The following NTRK2 variants were observed in gnomAD, a reference collection of about 807,000 sequenced individuals.
NTRK2 encodes the protein BDNF/NT-3 growth factors receptor.
In NTRK2, 13 loss-of-function variants were observed where a neutral mutation model predicts 94.5. The ratio of observed to expected loss-of-function variants is 0.14; its 90% confidence interval spans 0.09 to 0.22. The LOEUF is 0.22. Ranked by LOEUF, NTRK2 falls within the 10% of genes least tolerant of loss-of-function variation. The probability of loss-of-function intolerance (pLI) is 1.00; values close to 1 mark genes in which losing one functional copy is unlikely to be tolerated. For synonymous variants in NTRK2, 372 were observed against 407.4 expected (o/e 0.91, Z 1.05); for missense variants, 639 against 1,071.2 (o/e 0.60, Z 5.63).
At chr9:84,765,525 T>C (rs1224261749) in intron 12 of NTRK2, among the ~76,000 whole-genome samples, 2 of 152,146 alleles carry the variant, frequency 1.3e-5, no homozygotes, top group Non-Finnish European at 2.9e-5. Flanking sequence ...TTGAGCGACT[T>C]GCCTGAGGGT....
At chr9:84,856,893 A>G (rs1009892928) in intron 12 of NTRK2, among the ~76,000 whole-genome samples, 1 of 152,194 alleles carries the variant, frequency 6.6e-6, no homozygotes, top group Non-Finnish European at 1.5e-5. Flanking sequence ...TCTGAAACTT[A>G]AAAATATCCA....
intron 17 of NTRK2, among the ~76,000 whole-genome samples, chr9:84,973,214 A>C (rs1215167921): frequency 6.6e-6 from 1 of 152,248 alleles, no homozygotes; most frequent in Non-Finnish European, 1.5e-5. Context: ...AAGTGGCAGT[A>C]GTTAAGAGAA....
chr9:84,716,435 T>C (rs1475612662), intron 6 of NTRK2, among the ~76,000 whole-genome samples: 1 of 152,218 alleles, frequency 6.6e-6, no homozygotes, highest in Admixed American at 6.5e-5. Context: ...CATATGTCTG[T>C]GTAGCATATT....
chr9:84,690,883 A>G (rs921989504), intron 2 of NTRK2, among the ~76,000 whole-genome samples: 1 of 152,214 alleles, frequency 6.6e-6, no homozygotes, highest in Non-Finnish European at 1.5e-5. Context: ...TAGTGTCAGC[A>G]TATTGTACAT....
At chr9:84,684,639 G>A (rs1164308115) in intron 2 of NTRK2, among the ~76,000 whole-genome samples, 2 of 152,140 alleles carry the variant, frequency 1.3e-5, no homozygotes, top group Non-Finnish European at 2.9e-5. Flanking sequence ...TACAATTAAG[G>A]CAGTACTATT....
Position 85,025,454 on chromosome 9 carries a change from G to A in NTRK2, c.*4017G>A, listed in dbSNP as rs565794608. On this transcript the variant is annotated 3_prime_UTR_variant, in exon 19 of 19. Coordinates refer to ENST00000277120, the MANE Select transcript of NTRK2 (RefSeq NM_006180.6). ...GCAGTCCAAGACCCCACAGCGAGAT[G>A]AGCAACTCTTAGGAATTCCCACATC... The A allele has an allele frequency of 8.6e-6, 2 of 233,212 alleles. No homozygotes were observed. The highest frequency in any genetic ancestry group is 1.8e-4 in the South Asian group (1 of 5,520). 14.4% of individuals were successfully genotyped at this position (233,212 alleles called of 1,614,324 possible). A position where few individuals can be genotyped will look rare whatever the true frequency, so the allele number is the denominator to read the frequency against.
At chr9:84,824,653 A>G (rs566003507) in intron 12 of NTRK2, among the ~76,000 whole-genome samples, 1 of 152,144 alleles carries the variant, frequency 6.6e-6, no homozygotes, top group East Asian at 1.9e-4. Context: ...AAGTTTGGCA[A>G]TTTCTTCCCT....
chr9:84,744,500 G>A (rs529826349), intron 10 of NTRK2, among the ~76,000 whole-genome samples: 24 of 152,024 alleles, frequency 1.6e-4, no homozygotes, highest in East Asian at 1.5e-3. Flanking sequence ...CAAATCTGGC[G>A]TCACGTGTGA....
chr9:84,879,068 A>G (rs28412453), intron 14 of NTRK2, among the ~76,000 whole-genome samples: 6 of 152,244 alleles, frequency 3.9e-5, no homozygotes, highest in African/African-American at 1.4e-4. Flanking sequence ...TCATCTTCTC[A>G]CTACATTTTT....
intron 2 of NTRK2, among the ~76,000 whole-genome samples, chr9:84,680,002 T>C (rs2059295654): frequency 6.6e-6 from 1 of 152,204 alleles, no homozygotes; most frequent in African/African-American, 2.4e-5. Context: ...GTTTTCTAAC[T>C]GACCTCTTTG....
intron 2 of NTRK2, among the ~76,000 whole-genome samples, chr9:84,692,217 C>A (rs769697201): frequency 6.6e-6 from 1 of 151,828 alleles, no homozygotes; most frequent in Admixed American, 6.6e-5. Context: ...TAATTAAATA[C>A]GTTGGAAGAA....
At chr9:84,889,073 C>T (rs1469106757) in intron 14 of NTRK2, among the ~76,000 whole-genome samples, 1 of 139,884 alleles carries the variant, frequency 7.1e-6, no homozygotes, top group African/African-American at 2.7e-5. Context: ...TCACTGCAAG[C>T]TCCGCCTCCC....
rs200046832 is a variant in NTRK2, at chr9:84,955,273, C to T, written c.1938-10C>T. ...AGGCCCCCAGCTTCATTCTCCATGT[C>T]CTTCCCCAGGGCACACGGCCCTGAT... On this transcript the variant is annotated splice_polypyrimidine_tract_variant and intron_variant, in intron 16 of 18. Transcript: ENST00000277120. The T allele has an allele frequency of 2.7e-5, 43 of 1,588,190 alleles. No homozygotes were observed. The South Asian group carries it at 4.6e-4, about 17-fold the overall frequency.
intron 16 of NTRK2, among the ~76,000 whole-genome samples, chr9:84,952,015 CT>C (rs1564496071): frequency 2.0e-5 from 3 of 152,314 alleles, no homozygotes; most frequent in Non-Finnish European, 4.4e-5. Flanking sequence ...ATGATTTTTC[CT>C]CTTAGAATCT....
intron 16 of NTRK2, among the ~76,000 whole-genome samples, chr9:84,948,911 G>A (rs956338804): frequency 6.6e-6 from 1 of 152,200 alleles, no homozygotes; most frequent in Non-Finnish European, 1.5e-5. Context: ...TATGTGACAT[G>A]GGCATTTGGG....
At chr9:84,817,139 G>A (rs2072478691) in intron 12 of NTRK2, among the ~76,000 whole-genome samples, 1 of 152,190 alleles carries the variant, frequency 6.6e-6, no homozygotes, top group African/African-American at 2.4e-5. Flanking sequence ...CCTGGCAAGT[G>A]GGACACTCGG....
At chr9:84,903,876 T>C (rs758703239) in intron 14 of NTRK2, among the ~76,000 whole-genome samples, 4 of 152,084 alleles carry the variant, frequency 2.6e-5, no homozygotes, top group Non-Finnish European at 5.9e-5. Context: ...AGCAGATGCA[T>C]CCACCATTAC....
chr9:84,802,303 G>T lies in NTRK2; in HGVS notation c.1396+50218G>T, dbSNP rs558182664. 5.3e-5 allele frequency among the ~76,000 whole-genome samples: 8 copies of T among 151,636 alleles called. No individual in the cohort carries two copies. In the South Asian group the frequency reaches 1.7e-3, roughly 31 times the overall value. On this transcript the variant is annotated intron_variant, in intron 12 of 18. Transcript: ENST00000277120. ...AAAGAAAAATAAACTGCGAAATCTG[G>T]TGTGTGTATATAGAAATTTATGCCC...
intron 14 of NTRK2, among the ~76,000 whole-genome samples, chr9:84,910,227 A>T (rs952463657): frequency 6.6e-5 from 10 of 152,280 alleles, no homozygotes; most frequent in Non-Finnish European, 8.8e-5. Context: ...ATAAATTACC[A>T]CAAACTTGGT....
Sources: gnomAD v4.1 joint callset for allele counts (sites outside exome capture counted in the v4.1 genomes callset) on GRCh38, gnomAD v4.1.1 for gene constraint, MANE v1.5 for transcripts, NCBI Gene and HGNC (gene_info 2026-07-23, HGNC 2026-07-21) for gene names.